Variants in FBXL17 observed in about 807,000 individuals in gnomAD.
The protein encoded by FBXL17 is F-box and leucine rich repeat protein 17.
Under a neutral mutation model 66.2 loss-of-function variants are expected in FBXL17, and 22 were observed. The ratio of observed to expected loss-of-function variants is 0.33; its 90% CI spans 0.24 to 0.47. FBXL17 has a LOEUF of 0.47. Among genes scored for constraint, FBXL17 ranks in the 20% least tolerant of loss-of-function variants. The pLI is 1.00. For missense variants in FBXL17, 878 were observed against 948.2 expected (o/e 0.93, Z 0.97); for synonymous variants, 474 against 400.5 (o/e 1.18, Z -2.19).
chr5:108,297,899 C>T, intron 4 of FBXL17: 1 of 948,846 alleles, frequency 1.1e-6, no homozygotes, highest in Non-Finnish European at 1.3e-6. Flanking sequence ...AAATATTCAG[C>T]AAAATCAGAA....
At chr5:108,298,403 T>C (rs866448843) in intron 4 of FBXL17, 10 of 980,432 alleles carry the variant, frequency 1.0e-5, no homozygotes, top group African/African-American at 1.7e-5. Context: ...AGAAGATCAA[T>C]AAATCAAGAC....
chr5:108,268,842 T>C (rs1423363891), intron 4 of FBXL17, among the ~76,000 whole-genome samples: 1 of 152,014 alleles, frequency 6.6e-6, no homozygotes, highest in African/African-American at 2.4e-5. Context: ...GTCCTGAGAA[T>C]TAAATTGAAG....
intron 5 of FBXL17, among the ~76,000 whole-genome samples, chr5:108,213,743 C>A (rs1754477647): frequency 1.3e-5 from 2 of 152,116 alleles, no homozygotes; most frequent in African/African-American, 4.8e-5. Context: ...AGCCATCTTG[C>A]CAGCAATCTA....
In FBXL17 at chr5:107,877,040, A is replaced by G. The variant is rs1256515774; in HGVS notation, c.1965+3997T>C. On this transcript the variant is annotated intron_variant, in intron 8 of 8. Coordinates refer to ENST00000542267, the MANE Select transcript of FBXL17 (RefSeq NM_001163315.3). ...GTCTTTAAGAATATAAGCTCACCCC[A>G]ATTCATCAAAGCCGTCTCACACAGC... Among the ~76,000 whole-genome samples, 16 of 152,178 alleles carry G rather than the reference A, an allele frequency of 1.1e-4. 1 individual carries two copies. The highest frequency in any genetic ancestry group is 8.5e-4 in the Admixed American group (13 of 15,268).
chr5:108,055,662 T>C (rs1370983931), intron 6 of FBXL17, among the ~76,000 whole-genome samples: 1 of 147,966 alleles, frequency 6.8e-6, no homozygotes, highest in Non-Finnish European at 1.5e-5. Context: ...ATAAAAATGG[T>C]TCCACATGCT....
At chr5:108,145,428 C>T (rs1561432636) in intron 6 of FBXL17, among the ~76,000 whole-genome samples, 2 of 152,152 alleles carry the variant, frequency 1.3e-5, no homozygotes, top group African/African-American at 4.8e-5. Context: ...AATCCAACAC[C>T]AGATAGGTAA....
intron 7 of FBXL17, among the ~76,000 whole-genome samples, chr5:107,911,127 GA>G (rs1749936694): frequency 6.6e-6 from 1 of 152,096 alleles, no homozygotes; most frequent in African/African-American, 2.4e-5. Flanking sequence ...AGAGAGGGAT[GA>G]ATCTGCTAGA....
At chr5:108,163,403 T>TTTC (rs1554071056) in intron 6 of FBXL17, among the ~76,000 whole-genome samples, 1 of 71,920 alleles carries the variant, frequency 1.4e-5, no homozygotes, top group African/African-American at 3.2e-5. Context: ...TTTTTTCTTT[T>TTTC]TTTTTTTTTT....
At chr5:108,193,933 T>C (rs1369451764) in intron 5 of FBXL17, among the ~76,000 whole-genome samples, 1 of 152,172 alleles carries the variant, frequency 6.6e-6, no homozygotes, top group Non-Finnish European at 1.5e-5. Context: ...ATTTTATTCA[T>C]TCTGTTTTGC....
chr5:108,129,830 A>G (rs989122282), intron 6 of FBXL17, among the ~76,000 whole-genome samples: 3 of 151,994 alleles, frequency 2.0e-5, no homozygotes, highest in Non-Finnish European at 4.4e-5. Context: ...ATCTAAAATA[A>G]TGGTTAAATT....
At chr5:108,171,497 T>C (rs1253521615) in intron 6 of FBXL17, among the ~76,000 whole-genome samples, 13 of 152,200 alleles carry the variant, frequency 8.5e-5, no homozygotes, top group African/African-American at 2.9e-4. Context: ...GGAGTTAATG[T>C]GATAATTAAA....
At chr5:108,039,069 C>G (rs1345071028) in intron 6 of FBXL17, among the ~76,000 whole-genome samples, 1 of 151,830 alleles carries the variant, frequency 6.6e-6, no homozygotes, top group African/African-American at 2.4e-5. Context: ...CTTGCTTTAC[C>G]TCTTTAAATG....
At chr5:108,139,268 G>A (rs758479555) in intron 6 of FBXL17, among the ~76,000 whole-genome samples, 1 of 152,194 alleles carries the variant, frequency 6.6e-6, no homozygotes, top group Non-Finnish European at 1.5e-5. Flanking sequence ...TAGAAAACAA[G>A]TTGTGTCCAT....
chr5:108,208,061 T>C (rs1377115538), intron 5 of FBXL17, among the ~76,000 whole-genome samples: 1 of 152,366 alleles, frequency 6.6e-6, no homozygotes, highest in East Asian at 1.9e-4. Context: ...ATTTCTCTAA[T>C]GACCAGTGAT....
At chr5:108,031,982 AAG>A (rs1746660928) in intron 6 of FBXL17, among the ~76,000 whole-genome samples, 1 of 152,148 alleles carries the variant, frequency 6.6e-6, no homozygotes, top group East Asian at 1.9e-4. Flanking sequence ...AACGTTTGCA[AAG>A]ACACTTTTAG....
At chr5:108,089,116 T>C (rs1310819581) in intron 6 of FBXL17, among the ~76,000 whole-genome samples, 1 of 152,198 alleles carries the variant, frequency 6.6e-6, no homozygotes, top group East Asian at 1.9e-4. Context: ...CTCCAAAAGG[T>C]ATTCTGAATT....
chr5:108,219,928 C>CTTTTTTTTTTT lies in FBXL17; in HGVS notation c.1614+4182_1614+4192dup. Among the ~76,000 whole-genome samples, 373 of 37,484 alleles carry CTTTTTTTTTTT rather than the reference C, an allele frequency of 1.0e-2. 1 individual carries two copies. Among genetic ancestry groups the CTTTTTTTTTTT allele is most frequent in the East Asian group, 0.025 (18 of 726 alleles). The allele number at this position is 37,484 out of a possible 152,430, so 24.6% of individuals were successfully genotyped here. The stretch of plus-strand genomic sequence containing the variant: ...TTTCCTCTTTGATCTTTACTATTTC[C>CTTTTTTTTTTT]TTTTTTTTTTTTTTTTTTTTTTTGC... On this transcript the variant is annotated intron_variant, in intron 5 of 8. Coordinates refer to ENST00000542267, the MANE Select transcript of FBXL17 (RefSeq NM_001163315.3).
chr5:108,369,504 C>T (rs539077410), intron 1 of FBXL17, among the ~76,000 whole-genome samples: 8 of 152,208 alleles, frequency 5.3e-5, no homozygotes, highest in Non-Finnish European at 8.8e-5. Context: ...TGACTGCTTT[C>T]GTCAACACTG....
chr5:108,301,309 T>A (rs1184304621), intron 4 of FBXL17, among the ~76,000 whole-genome samples: 1 of 151,740 alleles, frequency 6.6e-6, no homozygotes, highest in Non-Finnish European at 1.5e-5. Flanking sequence ...AAATGCATAA[T>A]AAAAAGAAGT....
Sources: allele counts gnomAD v4.1 joint callset (sites outside exome capture counted in the v4.1 genomes callset), GRCh38; gene constraint gnomAD v4.1.1; transcripts MANE v1.5; gene names NCBI Gene and HGNC (gene_info 2026-07-23, HGNC 2026-07-21).